Variants in WWTR1 observed in about 807,000 individuals in gnomAD.
The protein encoded by WWTR1 is WW domain-containing transcription regulator protein 1.
In WWTR1, 13 loss-of-function variants were observed where a neutral mutation model predicts 40.1. The ratio of observed to expected loss-of-function variants is 0.32; its 90% CI spans 0.21 to 0.52. The LOEUF is 0.52. Ranked by LOEUF, WWTR1 falls within the 20% of genes least tolerant of loss-of-function variation. The pLI, the probability that WWTR1 is intolerant of heterozygous loss-of-function variation, is 0.97. For synonymous variants in WWTR1, 230 were observed against 210.1 expected (o/e 1.09, Z -0.82); for missense variants, 436 against 523.1 (o/e 0.83, Z 1.63).
At chr3:149,635,597 AGGAAGC>A (rs1210805483) in intron 2 of WWTR1, among the ~76,000 whole-genome samples, 1 of 152,066 alleles carries the variant, frequency 6.6e-6, no homozygotes, top group Non-Finnish European at 1.5e-5. Flanking sequence ...GGAGGAGAAG[AGGAAGC>A]GGAAGAGGGA....
At chr3:149,521,218 TG>T in intron 6 of WWTR1, among the ~76,000 whole-genome samples, 1 of 152,346 alleles carries the variant, frequency 6.6e-6, no homozygotes, top group East Asian at 1.9e-4. Flanking sequence ...TGAAAGGCAC[TG>T]TGGATCTGAT....
At chr3:149,604,848 G>A (rs1430095697) in intron 2 of WWTR1, among the ~76,000 whole-genome samples, 3 of 152,222 alleles carry the variant, frequency 2.0e-5, no homozygotes, top group Non-Finnish European at 4.4e-5. Context: ...ATAGAGAAAG[G>A]CCCACACAGA....
rs1268882455 is a variant in WWTR1 at position 149,710,567 on chromosome 3, GC to G, written n.584+6874del. On this transcript the variant is annotated intron_variant and non_coding_transcript_variant, in intron 5 of 6. Coordinates refer to the WWTR1 transcript ENST00000474080. ...CTTATAAAACATTATCATTATCCCC[GC>G]CTCCCCCCCCCCCCTTTTTTTTTTT... 2.0e-4 allele frequency among the ~76,000 whole-genome samples: 6 copies of G among 30,294 alleles called. 1 individual carries two copies. Among genetic ancestry groups the G allele is most frequent in the Admixed American group, 9.2e-4 (2 of 2,176 alleles). The allele number at this position is 30,294 out of a possible 152,430, so 19.9% of individuals were successfully genotyped here. A position where few individuals can be genotyped will look rare whatever the true frequency, so the allele number is the denominator to read the frequency against.
At chr3:149,528,789 A>G (rs1735445366) in intron 4 of WWTR1, among the ~76,000 whole-genome samples, 1 of 152,166 alleles carries the variant, frequency 6.6e-6, no homozygotes, top group African/African-American at 2.4e-5. Flanking sequence ...AAAAAACAAA[A>G]AAGTCAATCT....
intron 1 of WWTR1, among the ~76,000 whole-genome samples, chr3:149,682,189 G>C (rs1714478215): frequency 6.6e-6 from 1 of 152,162 alleles, no homozygotes; most frequent in Admixed American, 6.5e-5. Flanking sequence ...TTAGTGATTA[G>C]TGGTTAAACA....
intron 2 of WWTR1, among the ~76,000 whole-genome samples, chr3:149,668,121 G>C (rs1200394118): frequency 6.6e-6 from 1 of 152,130 alleles, no homozygotes; most frequent in African/African-American, 2.4e-5. Flanking sequence ...CTGGTTAATG[G>C]CTTTTAGGGA....
intron 4 of WWTR1, among the ~76,000 whole-genome samples, chr3:149,536,943 G>A (rs764580067): frequency 3.3e-5 from 5 of 151,978 alleles, no homozygotes; most frequent in Non-Finnish European, 7.4e-5. Flanking sequence ...GCCCCAAACC[G>A]TTATATTTAA....
chr3:149,617,942 G>A (rs1002522458), intron 2 of WWTR1, among the ~76,000 whole-genome samples: 2 of 152,006 alleles, frequency 1.3e-5, no homozygotes, highest in Non-Finnish European at 1.5e-5. Context: ...AGAAAACAAC[G>A]TTATTATAGT....
chr3:149,715,477 A>T (rs1324452640), intron 5 of WWTR1, among the ~76,000 whole-genome samples: 1 of 152,172 alleles, frequency 6.6e-6, no homozygotes, highest in Non-Finnish European at 1.5e-5. Context: ...CAGCCGGCGT[A>T]TTTGTGCGCA....
At chr3:149,602,517 A>G (rs567263674) in intron 2 of WWTR1, among the ~76,000 whole-genome samples, 4 of 152,222 alleles carry the variant, frequency 2.6e-5, no homozygotes, top group Non-Finnish European at 2.9e-5. Context: ...ACTGAAAGGT[A>G]GAGAGCACAG....
intron 4 of WWTR1, 30 bp from the exon 5 acceptor site, chr3:149,527,999 G>A (rs757351697): frequency 6.2e-7 from 1 of 1,602,394 alleles, no homozygotes; most frequent in Non-Finnish European, 8.5e-7. Flanking sequence ...CAAGAGTCAT[G>A]CACTCATTGT....
intron 6 of WWTR1, among the ~76,000 whole-genome samples, chr3:149,523,325 T>C (rs1367517187): frequency 6.6e-6 from 1 of 151,992 alleles, no homozygotes; most frequent in African/African-American, 2.4e-5. Flanking sequence ...CTCGGCTCAC[T>C]GCAACCTCCG....
intron 1 of WWTR1, among the ~76,000 whole-genome samples, chr3:149,683,400 T>C (rs1474376578): frequency 6.6e-6 from 1 of 152,134 alleles, no homozygotes; most frequent in East Asian, 1.9e-4. Context: ...CCTGCCTCAC[T>C]TAGGATATTT....
Position 149,617,496 on chromosome 3 carries a change from C to A in WWTR1, c.431+39380G>T, listed in dbSNP as rs763144015. On this transcript the variant is annotated intron_variant, in intron 2 of 6. Transcript: ENST00000360632. ...CCTCATTCTAACAAAGGATTTGGAA[C>A]CTTTTAAAATTCCATAAATCAGGCC... 5.9e-5 allele frequency among the ~76,000 whole-genome samples: 9 copies of A among 152,112 alleles called. No homozygotes were observed. The South Asian group carries it at 1.2e-3, about 21-fold the overall frequency.
chr3:149,557,491 T>C (rs1394387384), intron 3 of WWTR1, among the ~76,000 whole-genome samples: 1 of 152,178 alleles, frequency 6.6e-6, no homozygotes, highest in Non-Finnish European at 1.5e-5. Context: ...TACATTTCTC[T>C]TCAACACCAT....
In WWTR1 at chr3:149,519,101, G is replaced by A. The variant is rs1172443431; in HGVS notation, c.*1704C>T. On this transcript the variant is annotated 3_prime_UTR_variant, in exon 7 of 7. Coordinates refer to ENST00000360632, the MANE Select transcript of WWTR1 (RefSeq NM_015472.6). Reference sequence around the variant, plus strand: ...CAAATTATTAAAGTCTTTCAAAAAAGATTAAATTCATAGATTATAAATAAT... The same window carrying A: ...CAAATTATTAAAGTCTTTCAAAAAAAATTAAATTCATAGATTATAAATAAT... 1.3e-5 allele frequency: 2 copies of A among 152,008 alleles called. No individual in the cohort carries two copies. Among genetic ancestry groups the A allele is most frequent in the African/African-American group, 4.8e-5 (2 of 41,382 alleles). The allele number at this position is 152,008 out of a possible 1,614,324, so 9.4% of individuals were successfully genotyped here. A position where few individuals can be genotyped will look rare whatever the true frequency, so the allele number is the denominator to read the frequency against.
intron 1 of WWTR1, among the ~76,000 whole-genome samples, chr3:149,675,173 A>G (rs1290958651): frequency 1.3e-5 from 2 of 152,220 alleles, no homozygotes; most frequent in Non-Finnish European, 2.9e-5. Flanking sequence ...GGAAGATGAC[A>G]CTATCCCTGG....
chr3:149,645,608 A>G (rs1712472339), intron 2 of WWTR1, among the ~76,000 whole-genome samples: 1 of 152,250 alleles, frequency 6.6e-6, no homozygotes, highest in Non-Finnish European at 1.5e-5. Context: ...TGTTCATTAT[A>G]GTCACATTTA....
intron 2 of WWTR1, among the ~76,000 whole-genome samples, chr3:149,580,028 T>C (rs1738066267): frequency 6.6e-6 from 1 of 152,236 alleles, no homozygotes; most frequent in Non-Finnish European, 1.5e-5. Context: ...GCAAGGAGTC[T>C]TGCCGAAGAC....
Sources: gnomAD v4.1 joint callset for allele counts (sites outside exome capture counted in the v4.1 genomes callset) on GRCh38, gnomAD v4.1.1 for gene constraint, MANE v1.5 for transcripts, NCBI Gene and HGNC (gene_info 2026-07-23, HGNC 2026-07-21) for gene names.